CDC42BPA: variants seen among roughly 807,000 people sequenced by gnomAD.
The protein encoded by CDC42BPA is CDC42 binding protein kinase alpha, also known as serine/threonine-protein kinase MRCK alpha.
In CDC42BPA, 80 loss-of-function variants were observed where a neutral mutation model predicts 223.5. The ratio of observed to expected loss-of-function variants is 0.36; its 90% CI spans 0.30 to 0.43. The LOEUF (loss-of-function observed/expected upper bound fraction) is 0.43. Ranked by LOEUF, CDC42BPA falls within the 20% of genes least tolerant of loss-of-function variation. The probability of loss-of-function intolerance (pLI) is 1.00; values close to 1 mark genes in which losing one functional copy is unlikely to be tolerated. For missense variants in CDC42BPA, 1,743 were observed against 2,099.9 expected, an observed-to-expected ratio of 0.83 and a Z score of 3.32; for synonymous variants, 694 against 718.6, an observed-to-expected ratio of 0.97 and a Z score of 0.55.
intron 21 of CDC42BPA, among the ~76,000 whole-genome samples, chr1:227,053,145 T>C (rs1439686070): frequency 6.6e-6 from 1 of 152,234 alleles, no homozygotes; most frequent in Non-Finnish European, 1.5e-5. Flanking sequence ...TATTTTCCTA[T>C]TGATAATTAA....
At chr1:227,315,031 C>G (rs1219426549) in intron 1 of CDC42BPA, among the ~76,000 whole-genome samples, 1 of 152,040 alleles carries the variant, frequency 6.6e-6, no homozygotes, top group Admixed American at 6.6e-5. Flanking sequence ...TGAAGAACAT[C>G]TGATCTATTT....
At chr1:227,258,807 A>G (rs940217433) in intron 1 of CDC42BPA, among the ~76,000 whole-genome samples, 2 of 151,124 alleles carry the variant, frequency 1.3e-5, no homozygotes, top group Non-Finnish European at 2.9e-5. Context: ...ATATCCACCA[A>G]AAAGTTCATT....
intron 2 of CDC42BPA, among the ~76,000 whole-genome samples, chr1:227,249,822 A>T (rs570873381): frequency 6.6e-6 from 1 of 152,292 alleles, no homozygotes; most frequent in East Asian, 1.9e-4. Flanking sequence ...GGATGTGGAG[A>T]AAAAGGAGAT....
At chr1:227,124,020 T>C (rs1357056684) in intron 11 of CDC42BPA, among the ~76,000 whole-genome samples, 1 of 152,136 alleles carries the variant, frequency 6.6e-6, no homozygotes, top group African/African-American at 2.4e-5. Context: ...CATACAAAAA[T>C]ATTAAATGAG....
chr1:227,162,428 T>C (rs1420812102), intron 5 of CDC42BPA, among the ~76,000 whole-genome samples: 1 of 152,242 alleles, frequency 6.6e-6, no homozygotes, highest in African/African-American at 2.4e-5. Flanking sequence ...TACACTATTA[T>C]GCCTATATAC....
At chr1:227,095,601 T>C (rs1181248069) in intron 15 of CDC42BPA, among the ~76,000 whole-genome samples, 1 of 150,806 alleles carries the variant, frequency 6.6e-6, no homozygotes, top group Non-Finnish European at 1.5e-5. Context: ...TTTTTTTTTT[T>C]TTTTTTTGAG....
At chr1:227,076,660 T>C (rs1679547868) in intron 17 of CDC42BPA, among the ~76,000 whole-genome samples, 1 of 152,220 alleles carries the variant, frequency 6.6e-6, no homozygotes. Flanking sequence ...TGTCTTATCT[T>C]TTATTTGGCT....
intron 34 of CDC42BPA, among the ~76,000 whole-genome samples, chr1:227,009,683 T>C (rs1052722654): frequency 3.9e-5 from 6 of 152,166 alleles, no homozygotes; most frequent in Non-Finnish European, 7.3e-5. Flanking sequence ...CCCAAAGTGC[T>C]GGGATTACAT....
chr1:227,088,876 C>T (rs1015562125), intron 16 of CDC42BPA, among the ~76,000 whole-genome samples: 4 of 152,184 alleles, frequency 2.6e-5, no homozygotes, highest in South Asian at 4.1e-4. Context: ...CAGGCACGTG[C>T]CACCGCACCC....
At chr1:227,193,678 C>T (rs771185401) in intron 5 of CDC42BPA, 108 bp downstream of exon 5, 50 of 916,318 alleles carry the variant, frequency 5.5e-5, no homozygotes, top group Middle Eastern at 2.2e-4. Flanking sequence ...TTTTGGTTGA[C>T]GATAAATGTA....
intron 1 of CDC42BPA, among the ~76,000 whole-genome samples, chr1:227,276,470 G>A (rs1037184220): frequency 1.2e-4 from 18 of 151,190 alleles, no homozygotes; most frequent in South Asian, 1.0e-3. Context: ...GCCCCCGCTC[G>A]GCCAGCCGCC....
At chr1:227,174,950 A>G (rs1321153582) in intron 5 of CDC42BPA, among the ~76,000 whole-genome samples, 2 of 152,134 alleles carry the variant, frequency 1.3e-5, no homozygotes, top group African/African-American at 2.4e-5. Context: ...ACTTCTGTTC[A>G]TTATTTCTCC....
intron 34 of CDC42BPA, chr1:227,011,001 A>C: frequency 7.3e-7 from 1 of 1,361,836 alleles, no homozygotes; most frequent in Non-Finnish European, 9.8e-7. Flanking sequence ...AGATGTGTTC[A>C]AAGTTGATCG....
At chr1:227,238,826 T>C (rs1679534739) in intron 2 of CDC42BPA, among the ~76,000 whole-genome samples, 1 of 151,978 alleles carries the variant, frequency 6.6e-6, no homozygotes, top group Non-Finnish European at 1.5e-5. Context: ...AGTTTCAAAA[T>C]GCATAAAATA....
chr1:227,073,734 A>C (rs752065568), intron 19 of CDC42BPA, 130 bp downstream of exon 19: 2 of 679,172 alleles, frequency 2.9e-6, no homozygotes, highest in Non-Finnish European at 4.8e-6. Flanking sequence ...AGTTATTTTC[A>C]AATCTTTGTA....
rs1006220300 is a variant in CDC42BPA, at chr1:226,992,471, C to T, written c.*1797G>A. The T allele has an allele frequency of 1.6e-4, 25 of 152,402 alleles. No individual in the cohort carries two copies. The highest frequency in any genetic ancestry group is 6.0e-4 in the African/African-American group (25 of 41,466). The allele number at this position is 152,402 out of a possible 1,614,324, so 9.4% of individuals were successfully genotyped here. A position where few individuals can be genotyped will look rare whatever the true frequency, so the allele number is the denominator to read the frequency against. ...AACCTTCTCCACACAGCAGCATCAC[C>T]TGGAAACAGCCTCAGCTCCCTGCAC... On this transcript the variant is annotated 3_prime_UTR_variant, in exon 37 of 37. Transcript: ENST00000366766.
chr1:227,164,972 A>G (rs1478824142), intron 5 of CDC42BPA, among the ~76,000 whole-genome samples: 6 of 152,246 alleles, frequency 3.9e-5, no homozygotes, highest in Non-Finnish European at 4.4e-5. Context: ...TGTTGGGGGT[A>G]GAGTGAGGGT....
rs1428150572 is a variant in CDC42BPA, at chr1:227,119,823, T to C, written c.1628A>G (p.Glu543Gly). Reference protein sequence around the residue: ...YEKQIKTLQQEREDLNKELVQ... With the variant: ...YEKQIKTLQQGREDLNKELVQ... ...TTTTACCTTATTTAGATCTTCTCTT[T>C]CTTGTTGTAACGTTTTGATTTGTTT... Residue 543 changes from glutamate (E) to glycine (G), a missense_variant, in exon 12 of 37, where the codon GAA becomes GGA. Physicochemically the swap from Glu to Gly is moderately conservative, Grantham distance 98. Around this residue, in one of 6 missense-constraint regions of CDC42BPA, gnomAD observed 464 missense variants for 488.0 expected, o/e 0.95. Transcript: ENST00000366766. 2.5e-6 allele frequency: 4 copies of C among 1,585,270 alleles called. No individual in the cohort carries two copies. The highest frequency in any genetic ancestry group is 1.3e-5 in the African/African-American group (1 of 74,124).
intron 21 of CDC42BPA, among the ~76,000 whole-genome samples, chr1:227,052,434 A>C (rs923368606): frequency 1.6e-4 from 25 of 152,162 alleles, no homozygotes; most frequent in Non-Finnish European, 3.1e-4. Flanking sequence ...AAAAAACCTA[A>C]CCTATCAGTT....
Sources: gnomAD v4.1 joint callset for allele counts (sites outside exome capture counted in the v4.1 genomes callset) on GRCh38, gnomAD v4.1.1 for gene constraint, gnomAD v4.1.1 regional missense constraint, MANE v1.5 for transcripts, NCBI Gene and HGNC (gene_info 2026-07-23, HGNC 2026-07-21) for gene names.